Variants in C3orf18 observed in about 807,000 individuals in gnomAD.
C3orf18 encodes the protein uncharacterized protein C3orf18.
C3orf18 carries 12 observed loss-of-function variants against 14.1 expected under a neutral mutation model. The observed-to-expected ratio is 0.85, with a 90% CI of 0.55 to 1.38. The LOEUF (loss-of-function observed/expected upper bound fraction) is 1.38, where lower values mean the gene tolerates loss of function less well. C3orf18 is among the 40% of genes most tolerant of loss of function. The pLI, the probability that C3orf18 is intolerant of heterozygous loss-of-function variation, is 0.00. For missense variants in C3orf18, 196 were observed against 213.9 expected (o/e 0.92, Z 0.52); for synonymous variants, 82 against 87.9 (o/e 0.93, Z 0.38).
chr3:50,561,121 C>G lies in C3orf18; in HGVS notation c.261-57G>C, dbSNP rs1421850736. The G allele has an allele frequency of 4.5e-6, 7 of 1,563,486 alleles. No individual in the cohort carries two copies. The East Asian group carries it at 1.6e-4, about 35-fold the overall frequency. On this transcript the variant is annotated intron_variant, in intron 4 of 5. Transcript: ENST00000357203. Reference sequence around the variant, plus strand: ...GGGCAGGCCCTTCCCCTCCCAGCAGCCCTCCAGGCCCTGCCTCCTGACTAG... The same window carrying G: ...GGGCAGGCCCTTCCCCTCCCAGCAGGCCTCCAGGCCCTGCCTCCTGACTAG...
chr3:50,572,364 G>C (rs1310769249), upstream of C3orf18, among the ~76,000 whole-genome samples: 1 of 152,144 alleles, frequency 6.6e-6, no homozygotes, highest in Admixed American at 6.5e-5. Flanking sequence ...TGTTGGCAGA[G>C]CCCAGAGGAC....
chr3:50,560,376 A>C (rs972926834), intron 5 of C3orf18, among the ~76,000 whole-genome samples: 5 of 151,654 alleles, frequency 3.3e-5, no homozygotes, highest in African/African-American at 1.2e-4. Flanking sequence ...CCCTTTGGAC[A>C]CAGGAGGCAA....
At position 50,565,052 on chromosome 3, in the gene C3orf18, G is replaced by GT. The variant is rs1700205097; in HGVS notation, c.234+413_234+414insA. Among the ~76,000 whole-genome samples the GT allele has an allele frequency of 2.6e-5, 4 of 152,162 alleles. No homozygotes were observed. The highest frequency in any genetic ancestry group is 2.6e-4 in the Admixed American group (4 of 15,286). ...GGCCCCAGTGGACAAATCTCTGCAG[G>GT]AGAGGAGGACTGCACTCTCATTAAT... On this transcript the variant is annotated intron_variant, in intron 3 of 5. Coordinates refer to ENST00000357203, the MANE Select transcript of C3orf18 (RefSeq NM_016210.5). This position sits in a 1 kb window ranked among gnomAD's most constrained non-coding sequence, Gnocchi z 4.4.
chr3:50,559,835 CTTGG>C, intron 5 of C3orf18, 98 bp from the exon 6 acceptor site: 1 of 684,114 alleles, frequency 1.5e-6, no homozygotes, highest in Non-Finnish European at 2.3e-6. Flanking sequence ...CCTGCTTATG[CTTGG>C]CACTAGCAAT....
intron 4 of C3orf18, among the ~76,000 whole-genome samples, chr3:50,561,454 T>A (rs891085657): frequency 6.6e-6 from 1 of 152,108 alleles, no homozygotes. Flanking sequence ...GTGGGAGTAA[T>A]CCCAGCCTTC....
upstream of C3orf18, chr3:50,571,345 G>C: frequency 6.4e-7 from 1 of 1,554,230 alleles, no homozygotes; most frequent in Non-Finnish European, 8.7e-7. Flanking sequence ...TAAGTTTAGT[G>C]TTGTCAAGAG....
chr3:50,558,770 C>G lies in C3orf18; in HGVS notation c.*887G>C. The G allele has an allele frequency of 7.8e-7, 1 of 1,289,840 alleles. No homozygotes were observed. 79.9% of individuals were successfully genotyped at this position (1,289,840 alleles called of 1,614,324 possible). On this transcript the variant is annotated 3_prime_UTR_variant, in exon 6 of 6. Transcript: ENST00000357203. ...CGTGCTTCCCTCTTCCCTGCAGTCC[C>G]TGAAGATTGAAGGCAGAGAAGATAG...
Position 50,558,622 on chromosome 3 carries a change from A to T in C3orf18, c.*1035T>A. On this transcript the variant is annotated 3_prime_UTR_variant, in exon 6 of 6. Coordinates refer to ENST00000357203, the MANE Select transcript of C3orf18 (RefSeq NM_016210.5). ...CCCCTCTAGCCTGCAGCCTGTGATT[A>T]CTGCCCTCAGACCAACAGCCTCTCC... 8.6e-7 allele frequency: 1 copy of T among 1,158,042 alleles called. No homozygotes were observed. Among genetic ancestry groups the T allele is most frequent in the Non-Finnish European group, 1.1e-6 (1 of 890,292 alleles). 71.7% of individuals were successfully genotyped at this position (1,158,042 alleles called of 1,614,324 possible).
chr3:50,571,464 G>A (rs1470828570), upstream of C3orf18: 12 of 711,564 alleles, frequency 1.7e-5, no homozygotes, highest in East Asian at 1.9e-4. Flanking sequence ...ACGTCTTAGC[G>A]CCTGGCACAC....
intron 5 of C3orf18, among the ~76,000 whole-genome samples, chr3:50,560,508 C>T (rs922925508): frequency 6.6e-6 from 1 of 152,246 alleles, no homozygotes; most frequent in Non-Finnish European, 1.5e-5. Flanking sequence ...CACGGACCCT[C>T]AGGAAGCAGA....
Position 50,561,070 on chromosome 3 carries a change from G to A in C3orf18, c.261-6C>T, listed in dbSNP as rs1446781852. ...GGTGGCGTAGCTTCTCCAGCCTGGG[G>A]ATGGGGGCAAAGGCTGCTGGGGACA... is the stretch of plus-strand genomic sequence containing the variant. On this transcript the variant is annotated splice_region_variant and splice_polypyrimidine_tract_variant and intron_variant, in intron 4 of 5. Transcript: ENST00000357203. 1 of 1,613,616 alleles carries A rather than the reference G, an allele frequency of 6.2e-7. No homozygotes were observed. Among genetic ancestry groups the A allele is most frequent in the Non-Finnish European group, 8.5e-7 (1 of 1,179,718 alleles).
rs1699828023 is a variant in C3orf18 at position 50,559,286 on chromosome 3, C to T, written c.*371G>A. The T allele has an allele frequency of 8.0e-7, 1 of 1,245,654 alleles. No homozygotes were observed. The highest frequency in any genetic ancestry group is 1.5e-5 in the African/African-American group (1 of 64,590). 77.2% of individuals were successfully genotyped at this position (1,245,654 alleles called of 1,614,324 possible). On this transcript the variant is annotated 3_prime_UTR_variant, in exon 6 of 6. Transcript: ENST00000357203. ...CTAACAGAGGGAAACCTCCCCTTTC[C>T]TCCCCCAATCCCTCCCACTCCGTAT...
upstream of C3orf18, chr3:50,567,817 T>A (rs1700453125): frequency 6.6e-6 from 1 of 152,438 alleles, no homozygotes; most frequent in Middle Eastern, 3.4e-3. Context: ...CCGCCCAGAA[T>A]TGGACCGTTC....
intron 3 of C3orf18, among the ~76,000 whole-genome samples, chr3:50,562,178 G>A (rs560520879): frequency 2.0e-5 from 3 of 152,270 alleles, no homozygotes; most frequent in South Asian, 2.1e-4. Context: ...GATTACAGGC[G>A]TGAGCCACCA....
chr3:50,571,965 G>C, upstream of C3orf18: 3 of 1,301,702 alleles, frequency 2.3e-6, no homozygotes, highest in Non-Finnish European at 3.2e-6. Flanking sequence ...AGGAAGAAGG[G>C]AGGGAGGGAG....
Position 50,565,578 on chromosome 3 carries a change from G to C in C3orf18, c.122C>G (p.Ala41Gly), listed in dbSNP as rs748744988. 1.1e-5 allele frequency: 18 copies of C among 1,614,026 alleles called. No homozygotes were observed. In the South Asian group the frequency reaches 1.9e-4, roughly 17 times the overall value. The change falls in exon 3 of 6, where the codon GCC becomes GGC. Residue 41 changes from alanine to glycine, a missense_variant. Ala to Gly is a moderately conservative substitution (Grantham distance 60, BLOSUM62 0). Coordinates refer to ENST00000357203, the MANE Select transcript of C3orf18 (RefSeq NM_016210.5). The surrounding 1 kb of genome is among the most constrained non-coding windows in gnomAD (Gnocchi z 4.4). ...GATTCTGGTGTCATTAAAGGTGGTG[G>C]CCTCTGGGCTGAGGGTAGTGGTCTC... The part of the protein sequence containing the change: ...ASETTTLSPE[A>G]TTFNDTRIPD...
At position 50,558,835 on chromosome 3, in the gene C3orf18, C is replaced by A. The variant is rs932666152; in HGVS notation, c.*822G>T. On this transcript the variant is annotated 3_prime_UTR_variant, in exon 6 of 6. Transcript: ENST00000357203. ...CCACTACATACCATGGGGTAGAGGT[C>A]GACTTGGAGGGTGGGGCCAGTGTGG... is the stretch of plus-strand genomic sequence containing the variant. 1.6e-6 allele frequency: 2 copies of A among 1,289,794 alleles called. No individual in the cohort carries two copies. The highest frequency in any genetic ancestry group is 2.0e-6 in the Non-Finnish European group (2 of 988,868). The allele number at this position is 1,289,794 out of a possible 1,614,324, so 79.9% of individuals were successfully genotyped here. A position where few individuals can be genotyped will look rare whatever the true frequency, so the allele number is the denominator to read the frequency against.
rs781361101 is a variant in C3orf18, at chr3:50,559,684, G to A, written c.462C>T (p.Thr154=). The A allele has an allele frequency of 6.9e-6, 11 of 1,594,770 alleles. No individual in the cohort carries two copies. The highest frequency in any genetic ancestry group is 4.6e-5 in the South Asian group (4 of 87,598). The change falls in exon 6 of 6, where the codon ACC becomes ACT. Residue 154 remains threonine (T), a synonymous_variant. Coordinates refer to ENST00000357203, the MANE Select transcript of C3orf18 (RefSeq NM_016210.5). ...PLQRPSRLVF[T]DVANAIHA ...ACGCATGGATGGCATTGGCCACATC[G>A]GTAAACACCAGCCGGCTGGGTCTCT...
upstream of C3orf18, among the ~76,000 whole-genome samples, chr3:50,568,099 G>T (rs1391240181): frequency 1.3e-5 from 2 of 152,226 alleles, no homozygotes; most frequent in Admixed American, 1.3e-4. Flanking sequence ...CTGACTTTGT[G>T]ACCTTGAAGA....
Sources: allele counts gnomAD v4.1 joint callset (sites outside exome capture counted in the v4.1 genomes callset), GRCh38; gene constraint gnomAD v4.1.1; non-coding constraint Gnocchi (gnomAD v3.1); transcripts MANE v1.5; gene names NCBI Gene and HGNC (gene_info 2026-07-23, HGNC 2026-07-21).